The following CACNA1D variants were observed in gnomAD, a reference collection of about 807,000 sequenced individuals.
CACNA1D encodes voltage-dependent L-type calcium channel subunit alpha-1D.
CACNA1D carries 55 observed loss-of-function variants against 257.1 expected under a neutral mutation model. The observed-to-expected ratio is 0.21, with a 90% CI of 0.17 to 0.27. CACNA1D has a LOEUF of 0.27. Ranked by LOEUF, CACNA1D falls within the 10% of genes least tolerant of loss-of-function variation. The pLI is 1.00. For synonymous variants in CACNA1D, 980 were observed against 1,014.9 expected, an observed-to-expected ratio of 0.97 and a Z score of 0.65; for missense variants, 1,876 against 2,784.0, an observed-to-expected ratio of 0.67 and a Z score of 7.34.
At chr3:53,736,901 A>C (rs1423294447) in intron 20 of CACNA1D, among the ~76,000 whole-genome samples, 1 of 151,902 alleles carries the variant, frequency 6.6e-6, no homozygotes, top group Non-Finnish European at 1.5e-5. Context: ...AAAAAAAAAA[A>C]AAACAAAAAG....
intron 31 of CACNA1D, 32 bp from the exon 32 acceptor site, chr3:53,770,392 T>A: frequency 6.2e-7 from 1 of 1,609,098 alleles, no homozygotes; most frequent in Non-Finnish European, 8.5e-7. Context: ...CTACTTTCCA[T>A]TGGGTTTGAC....
intron 3 of CACNA1D, among the ~76,000 whole-genome samples, chr3:53,598,572 G>A (rs1356668276): frequency 5.4e-5 from 8 of 149,366 alleles, no homozygotes; most frequent in Non-Finnish European, 7.4e-5. Flanking sequence ...GCAACAGAGT[G>A]AGAATCTCAT....
intron 8 of CACNA1D, among the ~76,000 whole-genome samples, chr3:53,684,621 C>CAAAAAAA (rs60026644): frequency 7.1e-5 from 6 of 84,512 alleles, no homozygotes; most frequent in East Asian, 5.5e-4. Context: ...GAAACTCTGT[C>CAAAAAAA]AAAAAAAAAA....
chr3:53,650,256 T>G (rs2094075248), intron 3 of CACNA1D, among the ~76,000 whole-genome samples: 1 of 152,214 alleles, frequency 6.6e-6, no homozygotes, highest in Non-Finnish European at 1.5e-5. Flanking sequence ...AAGGTTACCT[T>G]GCTACTCAGT....
At chr3:53,780,244 C>T in intron 38 of CACNA1D, 116 bp downstream of exon 38, 1 of 825,816 alleles carries the variant, frequency 1.2e-6, no homozygotes. Flanking sequence ...GGGGAAGGGG[C>T]TGGCAAGTAG....
At chr3:53,687,090 C>T (rs1208578670) in intron 8 of CACNA1D, among the ~76,000 whole-genome samples, 1 of 151,842 alleles carries the variant, frequency 6.6e-6, no homozygotes, top group African/African-American at 2.4e-5. Flanking sequence ...ATATGGAAGA[C>T]CTCTACACTG....
At chr3:53,708,921 A>G (rs1406257267) in intron 9 of CACNA1D, among the ~76,000 whole-genome samples, 2 of 152,206 alleles carry the variant, frequency 1.3e-5, no homozygotes, top group Non-Finnish European at 2.9e-5. Flanking sequence ...TGAACCATGT[A>G]CCACAGATAT....
chr3:53,549,268 C>G (rs1575829371), intron 3 of CACNA1D, among the ~76,000 whole-genome samples: 1 of 152,202 alleles, frequency 6.6e-6, no homozygotes, highest in Non-Finnish European at 1.5e-5. Flanking sequence ...GGTCTAATTG[C>G]TTCAAACTTG....
chr3:53,559,248 C>T (rs902453675), intron 3 of CACNA1D, among the ~76,000 whole-genome samples: 2 of 152,018 alleles, frequency 1.3e-5, no homozygotes, highest in East Asian at 3.9e-4. Flanking sequence ...GAGTATTTAG[C>T]CTTACTTCTT....
intron 8 of CACNA1D, among the ~76,000 whole-genome samples, chr3:53,681,279 A>G (rs1469176640): frequency 1.3e-5 from 2 of 152,226 alleles, no homozygotes; most frequent in African/African-American, 2.4e-5. Flanking sequence ...CTAGAAGAGC[A>G]TTGGAGAACC....
chr3:53,652,259 C>G lies in CACNA1D; in HGVS notation c.623+1341C>G, dbSNP rs181868094. Among the ~76,000 whole-genome samples, 807 of 152,212 alleles carry G rather than the reference C, an allele frequency of 5.3e-3. 9 individuals are homozygous for G. The highest frequency in any genetic ancestry group is 0.019 in the African/African-American group (773 of 41,518). ...TGCTTAGCCCCATTTCTTGCGTCAC[C>G]GTGCTATGATCACCTCATATTTCTG... On this transcript the variant is annotated intron_variant, in intron 4 of 47. Transcript: ENST00000350061.
chr3:53,701,533 G>A (rs1400763240), intron 8 of CACNA1D, among the ~76,000 whole-genome samples: 4 of 152,204 alleles, frequency 2.6e-5, no homozygotes, highest in African/African-American at 9.6e-5. Flanking sequence ...AAAGAGACAT[G>A]CTGGCTTTGA....
At position 53,673,895 on chromosome 3, in the gene CACNA1D, G is replaced by T; in HGVS notation, c.1220+769G>T. ...TCTGCGTGTCTCCTAGCTGCTCCCT[G>T]ACAGCTTCTCTGCATGTGTTTGGAC... On this transcript the variant is annotated intron_variant, in intron 8 of 47. Coordinates refer to ENST00000350061, the MANE Select transcript of CACNA1D (RefSeq NM_001128840.3). This position sits in a 1 kb window ranked among gnomAD's most constrained non-coding sequence, Gnocchi z 4.1. 1.1e-6 allele frequency: 1 copy of T among 876,130 alleles called. No homozygotes were observed. Among genetic ancestry groups the T allele is most frequent in the South Asian group, 1.3e-5 (1 of 75,968 alleles). The allele number at this position is 876,130 out of a possible 1,614,324, so 54.3% of individuals were successfully genotyped here. A position where few individuals can be genotyped will look rare whatever the true frequency, so the allele number is the denominator to read the frequency against.
In CACNA1D at chr3:53,789,834, G is replaced by A. The variant is rs1341610986; in HGVS notation, c.4923+2882G>A. Among the ~76,000 whole-genome samples the A allele has an allele frequency of 6.6e-6, 1 of 152,160 alleles. No homozygotes were observed. The highest frequency in any genetic ancestry group is 1.5e-5 in the Non-Finnish European group (1 of 68,042). The stretch of plus-strand genomic sequence containing the variant: ...AATGTTTTTTCAAGGACACATATAC[G>A]CACTGTGGTTTTGAACCCTGTGGGC... On this transcript the variant is annotated intron_variant, in intron 40 of 47. Coordinates refer to ENST00000350061, the MANE Select transcript of CACNA1D (RefSeq NM_001128840.3). The surrounding 1 kb of genome is among the most constrained non-coding windows in gnomAD (Gnocchi z 4.2).
Position 53,789,452 on chromosome 3 carries a change from T to C in CACNA1D, c.4923+2500T>C, listed in dbSNP as rs781355053. Among the ~76,000 whole-genome samples, 3 of 152,248 alleles carry C rather than the reference T, an allele frequency of 2.0e-5. No individual in the cohort carries two copies. Among genetic ancestry groups the C allele is most frequent in the Non-Finnish European group, 4.4e-5 (3 of 68,046 alleles). On this transcript the variant is annotated intron_variant, in intron 40 of 47. Transcript: ENST00000350061. This position sits in a 1 kb window ranked among gnomAD's most constrained non-coding sequence, Gnocchi z 4.2. ...TTTGTTACTCCATGTTTAATTAGCA[T>C]GAGTAGGCTTTCGTTTCTGCGTGAT... is the stretch of plus-strand genomic sequence containing the variant.
intron 4 of CACNA1D, among the ~76,000 whole-genome samples, chr3:53,652,639 G>T (rs1222661297): frequency 6.6e-6 from 1 of 152,178 alleles, no homozygotes; most frequent in Non-Finnish European, 1.5e-5. Context: ...TGAACACCCT[G>T]GACTGTCAGT....
intron 9 of CACNA1D, among the ~76,000 whole-genome samples, chr3:53,703,752 T>C (rs1160378429): frequency 6.6e-6 from 1 of 152,120 alleles, no homozygotes; most frequent in Non-Finnish European, 1.5e-5. Flanking sequence ...CCTTGGATGT[T>C]TTGCTCTCAG....
chr3:53,720,825 A>G (rs1402548133), intron 11 of CACNA1D, among the ~76,000 whole-genome samples: 1 of 152,252 alleles, frequency 6.6e-6, no homozygotes, highest in African/African-American at 2.4e-5. Context: ...GCCGTTAAAA[A>G]AATAGTTTGG....
At chr3:53,644,692 T>C (rs2094000935) in intron 3 of CACNA1D, among the ~76,000 whole-genome samples, 1 of 152,250 alleles carries the variant, frequency 6.6e-6, no homozygotes, top group African/African-American at 2.4e-5. Context: ...TGTGTATCTA[T>C]ACCACATTTT....
Sources: gnomAD v4.1 joint callset for allele counts (sites outside exome capture counted in the v4.1 genomes callset) on GRCh38, gnomAD v4.1.1 for gene constraint, Gnocchi (gnomAD v3.1) non-coding constraint, MANE v1.5 for transcripts, NCBI Gene and HGNC (gene_info 2026-07-23, HGNC 2026-07-21) for gene names.